NLRC3: variants seen among roughly 807,000 people sequenced by gnomAD.
NLRC3 encodes the protein NLR family CARD domain-containing protein 3.
Under a neutral mutation model 91.6 loss-of-function variants are expected in NLRC3, and 87 were observed. That is an observed-to-expected ratio of 0.95 (90% confidence interval 0.80 to 1.14). NLRC3 has a LOEUF of 1.14. Among genes scored for constraint, NLRC3 ranks in the 50% most tolerant of loss-of-function variants. NLRC3 has a pLI of 0.00. For missense variants in NLRC3, 1,577 were observed against 1,418.6 expected (o/e 1.11, Z -1.79); for synonymous variants, 694 against 625.3 (o/e 1.11, Z -1.64).
chr16:3,556,264 G>C (rs930570876), intron 8 of NLRC3, among the ~76,000 whole-genome samples: 1 of 127,990 alleles, frequency 7.8e-6, no homozygotes, highest in Non-Finnish European at 1.6e-5. Context: ...CCAGGAGGCA[G>C]AGGTTGCAGT....
chr16:3,554,970 C>T (rs2039224149), intron 8 of NLRC3, among the ~76,000 whole-genome samples: 1 of 152,178 alleles, frequency 6.6e-6, no homozygotes, highest in African/African-American at 2.4e-5. Flanking sequence ...TGGCTCACAC[C>T]TGTAATCCCA....
At chr16:3,575,742 C>T (rs1035907660) in intron 1 of NLRC3, among the ~76,000 whole-genome samples, 3 of 144,812 alleles carry the variant, frequency 2.1e-5, no homozygotes, top group South Asian at 2.1e-4. Context: ...GCCCATCACC[C>T]GCCCACCTGA....
At position 3,557,484 on chromosome 16, in the gene NLRC3, A is replaced by G. The variant is rs1279868455; in HGVS notation, c.2099+109T>C. ...TGAATCATGGGAATCAGGGAAGAAC[A>G]GACAGGTAAGACCCAAGTCATTTCC... On this transcript the variant is annotated intron_variant, in intron 7 of 19. Coordinates refer to ENST00000359128, the MANE Select transcript of NLRC3 (RefSeq NM_178844.4). 19 of 656,834 alleles carry G rather than the reference A, an allele frequency of 2.9e-5. No individual in the cohort carries two copies. In the East Asian group the frequency reaches 4.6e-4, roughly 16 times the overall value. The allele number at this position is 656,834 out of a possible 1,614,324, so 40.7% of individuals were successfully genotyped here.
intron 1 of NLRC3, among the ~76,000 whole-genome samples, chr16:3,576,190 C>G (rs990449081): frequency 1.8e-4 from 27 of 152,180 alleles, no homozygotes; most frequent in Admixed American, 1.8e-3. Context: ...AGAAAAACAC[C>G]AGGGCCTCTG....
intron 1 of NLRC3, among the ~76,000 whole-genome samples, chr16:3,571,927 G>A (rs567414109): frequency 1.2e-4 from 18 of 151,630 alleles, no homozygotes; most frequent in African/African-American, 3.1e-4. Flanking sequence ...GTGACAGAGC[G>A]AGACTCCATC....
At position 3,564,243 on chromosome 16, in the gene NLRC3, TG is replaced by T. The variant is rs2039766233; in HGVS notation, c.693del (p.Asn232ThrfsTer17). On this transcript the variant is annotated frameshift_variant, in exon 5 of 20. Transcript: ENST00000359128. LOFTEE classifies it high-confidence loss of function. The surrounding 1 kb of genome is among the most constrained non-coding windows in gnomAD (Gnocchi z 5.9). ...TTTGGGTCCGTGCAGGCCACGGTGT[TG>T]GAGAAGTCCAGAGGCGTCCTGCACT... Reference protein sequence around the residue: ...LDECRTPLDFSNTVACTDPKK... With the variant: ...LDECRTPLDFXNTVACTDPKK... The T allele has an allele frequency of 6.2e-7, 1 of 1,612,864 alleles. No homozygotes were observed. The highest frequency in any genetic ancestry group is 1.7e-5 in the Admixed American group (1 of 59,960).
chr16:3,542,493 G>A (rs1281067004), intron 18 of NLRC3, among the ~76,000 whole-genome samples, 199 bp downstream of exon 18: 1 of 152,236 alleles, frequency 6.6e-6, no homozygotes, highest in Non-Finnish European at 1.5e-5. Context: ...ATAAATGCAA[G>A]ATGTGAGTGA....
chr16:3,554,259 C>A lies in NLRC3; in HGVS notation c.2250G>T (p.Arg750=), dbSNP rs758054023. The change falls in exon 9 of 20, where the codon CGG becomes CGT. Residue 750 remains arginine, a synonymous_variant. Coordinates refer to ENST00000359128, the MANE Select transcript of NLRC3 (RefSeq NM_178844.4). ...RSMAEALASN[R]TLSMLHLQKN... The stretch of plus-strand genomic sequence containing the variant: ...TCACTCACTGCAGCATGGAGAGGGT[C>A]CGGTTGGAGGCCAAGGCCTCAGCCA... 6.2e-7 allele frequency: 1 copy of A among 1,613,060 alleles called. No individual in the cohort carries two copies. The highest frequency in any genetic ancestry group is 1.1e-5 in the South Asian group (1 of 91,064).
At chr16:3,562,040 G>C (rs143335205) in intron 5 of NLRC3, among the ~76,000 whole-genome samples, 2 of 152,200 alleles carry the variant, frequency 1.3e-5, no homozygotes, top group East Asian at 3.9e-4. Flanking sequence ...CATACCGCCT[G>C]CCTCTGCGGG....
At chr16:3,546,404 A>AAG (rs1351416162) in intron 15 of NLRC3, among the ~76,000 whole-genome samples, 1 of 151,484 alleles carries the variant, frequency 6.6e-6, no homozygotes, top group African/African-American at 2.4e-5. Context: ...TAAAAAAAAA[A>AAG]AAAAAAGCTG....
rs760474309 is a variant in NLRC3 at position 3,564,751 on chromosome 16, C to A, written c.186G>T (p.Arg62Ser). Residue 62 changes from arginine to serine, a missense_variant, in exon 5 of 20, where the codon AGG becomes AGT. Physicochemically the swap from Arg to Ser is moderately radical, Grantham distance 110. Transcript: ENST00000359128. This position sits in a 1 kb window ranked among gnomAD's most constrained non-coding sequence, Gnocchi z 5.9. ...APLGPCSNDS[R>S]IQRHRKALLS... is the part of the protein sequence containing the mutation. Reference sequence around the variant, plus strand: ...GCAGGGCCTTGCGGTGCCTCTGTATCCTTGAGTCTGCGGGACAGAGGCCAG... The same window carrying A: ...GCAGGGCCTTGCGGTGCCTCTGTATACTTGAGTCTGCGGGACAGAGGCCAG... The A allele has an allele frequency of 5.7e-6, 9 of 1,579,426 alleles. No homozygotes were observed. Among genetic ancestry groups the A allele is most frequent in the Non-Finnish European group, 7.7e-6 (9 of 1,167,968 alleles).
chr16:3,558,052 A>G (rs1293975880), intron 6 of NLRC3, among the ~76,000 whole-genome samples: 1 of 152,212 alleles, frequency 6.6e-6, no homozygotes, highest in African/African-American at 2.4e-5. Flanking sequence ...AAAATTTCAA[A>G]AACTGGGCTG....
rs1489726667 is a variant in NLRC3, at chr16:3,552,187, A to G, written c.2351+9T>C. ...GAGGATACTAGTGTGGGCCTTTCATATGTCTCACATGAGCTCTTTCAGACT... is the reference window on the plus strand; with the variant it reads ...GAGGATACTAGTGTGGGCCTTTCATGTGTCTCACATGAGCTCTTTCAGACT... On this transcript the variant is annotated intron_variant, in intron 10 of 19. Coordinates refer to ENST00000359128, the MANE Select transcript of NLRC3 (RefSeq NM_178844.4). The G allele has an allele frequency of 2.4e-5, 38 of 1,560,124 alleles. No homozygotes were observed. Among genetic ancestry groups the G allele is most frequent in the South Asian group, 5.6e-5 (5 of 90,016 alleles).
chr16:3,571,705 G>T (rs1596496003), intron 1 of NLRC3, among the ~76,000 whole-genome samples: 3 of 152,008 alleles, frequency 2.0e-5, no homozygotes, highest in Non-Finnish European at 4.4e-5. Flanking sequence ...ACTTTGGGAG[G>T]CTGAGGCGGG....
Position 3,577,216 on chromosome 16 carries a change from T to C in NLRC3, c.-236A>G. 1 of 702,964 alleles carries C rather than the reference T, an allele frequency of 1.4e-6. No homozygotes were observed. Among genetic ancestry groups the C allele is most frequent in the Non-Finnish European group, 2.6e-6 (1 of 384,982 alleles). The allele number at this position is 702,964 out of a possible 1,614,324, so 43.5% of individuals were successfully genotyped here. On this transcript the variant is annotated 5_prime_UTR_variant, in exon 1 of 20. Transcript: ENST00000359128. Reference sequence around the variant, plus strand: ...GGCCTGGGGGCGTCCATCTCCATGCTCCTGGGCTCAGCCCTGCTCCAGCTG... The same window carrying C: ...GGCCTGGGGGCGTCCATCTCCATGCCCCTGGGCTCAGCCCTGCTCCAGCTG...
chr16:3,559,643 C>CTTT (rs71392843), intron 6 of NLRC3, among the ~76,000 whole-genome samples: 2 of 134,404 alleles, frequency 1.5e-5, no homozygotes, highest in African/African-American at 2.7e-5. Context: ...TTTTTTTTTT[C>CTTT]TTTTTTTTTT....
intron 6 of NLRC3, 109 bp from the exon 7 acceptor site, chr16:3,557,785 G>T: frequency 1.4e-6 from 1 of 715,358 alleles, no homozygotes. Flanking sequence ...ACATCATCAG[G>T]GTCTGGACAT....
chr16:3,572,087 A>G (rs2040117911), intron 1 of NLRC3, among the ~76,000 whole-genome samples: 1 of 152,138 alleles, frequency 6.6e-6, no homozygotes, highest in Admixed American at 6.6e-5. Flanking sequence ...TAAATCAATA[A>G]TAAGTAACCA....
intron 6 of NLRC3, among the ~76,000 whole-genome samples, chr16:3,559,607 G>A (rs1048564503): frequency 6.6e-6 from 1 of 151,544 alleles, no homozygotes; most frequent in Admixed American, 6.6e-5. Flanking sequence ...TATTAATAAT[G>A]AGAATTGTCA....
Sources: allele counts gnomAD v4.1 joint callset (sites outside exome capture counted in the v4.1 genomes callset), GRCh38; gene constraint gnomAD v4.1.1; non-coding constraint Gnocchi (gnomAD v3.1); transcripts MANE v1.5; gene names NCBI Gene and HGNC (gene_info 2026-07-23, HGNC 2026-07-21).